The following ANXA4 variants were observed in gnomAD, a reference collection of about 807,000 sequenced individuals.
The protein encoded by ANXA4 is 35-beta calcimedin.
ANXA4 carries 39 observed loss-of-function variants against 49.8 expected under a neutral mutation model. The observed-to-expected ratio is 0.78, with a 90% CI of 0.61 to 1.02. The LOEUF (loss-of-function observed/expected upper bound fraction) is 1.02, where lower values mean the gene tolerates loss of function less well. Among genes scored for constraint, ANXA4 ranks in the 50% least tolerant of loss-of-function variants. ANXA4 has a pLI of 0.00. For missense variants in ANXA4, 360 were observed against 410.1 expected, an observed-to-expected ratio of 0.88 and a Z score of 1.05; for synonymous variants, 134 against 152.5, an observed-to-expected ratio of 0.88 and a Z score of 0.89.
chr2:69,757,174 C>A (rs1253732490), intron 1 of ANXA4, among the ~76,000 whole-genome samples: 1 of 147,658 alleles, frequency 6.8e-6, no homozygotes, highest in Middle Eastern at 3.2e-3. Flanking sequence ...GGTGATCTGC[C>A]CGCCTCAGCC....
intron 2 of ANXA4, among the ~76,000 whole-genome samples, chr2:69,686,070 G>T (rs72899494): frequency 5.1e-4 from 78 of 152,140 alleles, no homozygotes; most frequent in African/African-American, 1.8e-3. Flanking sequence ...CTAGGAAGTA[G>T]TATTTTAATT....
intron 1 of ANXA4, among the ~76,000 whole-genome samples, chr2:69,648,971 C>T (rs1367657591): frequency 1.3e-5 from 2 of 148,764 alleles, no homozygotes; most frequent in African/African-American, 5.0e-5. Flanking sequence ...CCGCAACCTC[C>T]GCCTCCCAGG....
chr2:69,678,389 CTTTTTTTTTTTT>C (rs150952411), intron 2 of ANXA4, among the ~76,000 whole-genome samples: 1 of 78,366 alleles, frequency 1.3e-5, no homozygotes, highest in Non-Finnish European at 2.5e-5. Context: ...CTTTTCTTTT[CTTTTTTTTTTTT>C]TTTTTTTTTT....
At chr2:69,791,705 A>G (rs1281868771) in intron 3 of ANXA4, among the ~76,000 whole-genome samples, 1 of 152,206 alleles carries the variant, frequency 6.6e-6, no homozygotes, top group Non-Finnish European at 1.5e-5. Context: ...TATGAGTCCC[A>G]TACATTTTTT....
chr2:69,673,055 A>C (rs964911505), intron 2 of ANXA4, among the ~76,000 whole-genome samples: 5 of 152,204 alleles, frequency 3.3e-5, no homozygotes, highest in African/African-American at 9.7e-5. Flanking sequence ...GAACACTTTT[A>C]CACTGTTGGT....
intron 3 of ANXA4, among the ~76,000 whole-genome samples, chr2:69,796,827 C>T (rs971553780): frequency 6.6e-6 from 1 of 152,136 alleles, no homozygotes; most frequent in African/African-American, 2.4e-5. Flanking sequence ...ACTTGCTCTT[C>T]TAACTTAGGG....
intron 1 of ANXA4, among the ~76,000 whole-genome samples, chr2:69,765,097 CA>C (rs1671446521): frequency 6.6e-6 from 1 of 152,154 alleles, no homozygotes; most frequent in Admixed American, 6.5e-5. Flanking sequence ...CACACACACA[CA>C]CCACATTGTG....
intron 3 of ANXA4, among the ~76,000 whole-genome samples, chr2:69,724,035 A>C (rs1168450374): frequency 6.6e-6 from 1 of 152,204 alleles, no homozygotes; most frequent in African/African-American, 2.4e-5. Flanking sequence ...CTGGAGAATC[A>C]CTTGAACCCG....
At chr2:69,662,304 C>G (rs115872909) in intron 2 of ANXA4, among the ~76,000 whole-genome samples, 1 of 152,050 alleles carries the variant, frequency 6.6e-6, no homozygotes, top group African/African-American at 2.4e-5. Flanking sequence ...TCCAAGACAT[C>G]CAGGCAGAAG....
At chr2:69,744,745 G>A (rs534459407) in intron 1 of ANXA4, among the ~76,000 whole-genome samples, 1 of 152,142 alleles carries the variant, frequency 6.6e-6, no homozygotes. Context: ...ATTTGTGAAC[G>A]AAAGCTTAAA....
intron 2 of ANXA4, among the ~76,000 whole-genome samples, chr2:69,717,682 G>A (rs1211775949): frequency 6.6e-6 from 1 of 152,082 alleles, no homozygotes; most frequent in African/African-American, 2.4e-5. Context: ...ATCTTCTTTG[G>A]AATATGTTGT....
intron 3 of ANXA4, among the ~76,000 whole-genome samples, chr2:69,726,519 A>T (rs1320472550): frequency 6.6e-6 from 1 of 152,208 alleles, no homozygotes; most frequent in Non-Finnish European, 1.5e-5. Flanking sequence ...GACTTCTTTA[A>T]TATAAACTTT....
intron 1 of ANXA4, among the ~76,000 whole-genome samples, chr2:69,647,388 T>TTTTATTTATTTATTTA (rs199943902): frequency 1.8e-4 from 27 of 146,008 alleles, no homozygotes; most frequent in African/African-American, 6.0e-4. Context: ...TTTATTTTTA[T>TTTTATTTATTTATTTA]TTTATTTATT....
intron 1 of ANXA4, among the ~76,000 whole-genome samples, chr2:69,747,045 ATAAC>A (rs995149690): frequency 1.3e-5 from 2 of 152,018 alleles, no homozygotes; most frequent in African/African-American, 4.8e-5. Flanking sequence ...TCCCCACGAA[ATAAC>A]TAACCCTTGA....
intron 2 of ANXA4, among the ~76,000 whole-genome samples, chr2:69,785,571 G>A (rs1293836948): frequency 3.3e-5 from 5 of 151,936 alleles, no homozygotes; most frequent in Non-Finnish European, 7.4e-5. Flanking sequence ...TGATGATGAT[G>A]ATGATGATGT....
chr2:69,744,363 T>C (rs1418080103), intron 1 of ANXA4, among the ~76,000 whole-genome samples: 1 of 152,156 alleles, frequency 6.6e-6, no homozygotes, highest in African/African-American at 2.4e-5. Flanking sequence ...TTGAGTGTCA[T>C]TTTTACACAA....
intron 2 of ANXA4, among the ~76,000 whole-genome samples, chr2:69,691,246 C>G (rs1380511834): frequency 1.3e-5 from 2 of 151,910 alleles, no homozygotes; most frequent in Non-Finnish European, 2.9e-5. Context: ...GCCTCAGCCT[C>G]TCAAGTAACT....
At chr2:69,681,936 A>T (rs1472596726) in intron 2 of ANXA4, among the ~76,000 whole-genome samples, 1 of 152,080 alleles carries the variant, frequency 6.6e-6, no homozygotes, top group Admixed American at 6.5e-5. Flanking sequence ...CTCTGGGCTC[A>T]AGTGAACCTC....
At chr2:69,729,454 TG>T (rs2105443651) in intron 3 of ANXA4, among the ~76,000 whole-genome samples, 1 of 152,366 alleles carries the variant, frequency 6.6e-6, no homozygotes, top group East Asian at 1.9e-4. Context: ...TGGTTCTCAA[TG>T]GGAAGCTATT....
Sources: gnomAD v4.1 joint callset for allele counts (sites outside exome capture counted in the v4.1 genomes callset) on GRCh38, gnomAD v4.1.1 for gene constraint, MANE v1.5 for transcripts, NCBI Gene and HGNC (gene_info 2026-07-23, HGNC 2026-07-21) for gene names.